EDAR: variants seen among roughly 807,000 people sequenced by gnomAD.
EDAR encodes ectodysplasin A receptor.
EDAR carries 38 observed loss-of-function variants against 51.3 expected under a neutral mutation model. The ratio of observed to expected loss-of-function variants is 0.74; its 90% CI spans 0.57 to 0.97. The LOEUF is 0.97. EDAR is among the 50% of genes least tolerant of loss of function. The pLI is 0.00. For missense variants in EDAR, 528 were observed against 595.0 expected (o/e 0.89, Z 1.17); for synonymous variants, 227 against 242.1 (o/e 0.94, Z 0.58).
At chr2:108,966,919 C>T (rs896518515) in intron 1 of EDAR, among the ~76,000 whole-genome samples, 1 of 152,166 alleles carries the variant, frequency 6.6e-6, no homozygotes, top group African/African-American at 2.4e-5. Context: ...GTCCCAAAGA[C>T]CAGCCAATTG....
intron 5 of EDAR, among the ~76,000 whole-genome samples, chr2:108,921,791 C>T (rs1697146637): frequency 2.0e-5 from 3 of 152,200 alleles, no homozygotes; most frequent in South Asian, 4.1e-4. Context: ...CCTATCTGGC[C>T]GCATCTCCCC....
At chr2:108,960,950 T>C (rs1574406348) in intron 1 of EDAR, among the ~76,000 whole-genome samples, 1 of 152,356 alleles carries the variant, frequency 6.6e-6, no homozygotes, top group Non-Finnish European at 1.5e-5. Context: ...TTCACTATTA[T>C]AATGAACGCC....
chr2:108,909,745 G>A (rs965557110), intron 9 of EDAR, among the ~76,000 whole-genome samples: 9 of 152,216 alleles, frequency 5.9e-5, no homozygotes, highest in African/African-American at 1.7e-4. Flanking sequence ...CTCTACCCTC[G>A]ATTTTAGAGC....
At chr2:108,956,821 T>A (rs1697936117) in intron 1 of EDAR, among the ~76,000 whole-genome samples, 1 of 152,034 alleles carries the variant, frequency 6.6e-6, no homozygotes, top group African/African-American at 2.4e-5. Context: ...GAGTTTTTGT[T>A]CTTGTTGCCC....
At chr2:108,937,624 CTGTA>C (rs67470346) in intron 1 of EDAR, among the ~76,000 whole-genome samples, 98,982 of 151,242 alleles carry the variant, frequency 0.65, 34,727 homozygotes, top group Middle Eastern at 0.79. Flanking sequence ...GTGTGAGTGT[CTGTA>C]TGTTTATGTT....
At chr2:108,965,520 G>A (rs1285783974) in intron 1 of EDAR, among the ~76,000 whole-genome samples, 1 of 151,438 alleles carries the variant, frequency 6.6e-6, no homozygotes, top group Admixed American at 6.6e-5. Flanking sequence ...CAGGTCTTTT[G>A]GGGAGAGAAA....
intron 1 of EDAR, among the ~76,000 whole-genome samples, chr2:108,988,045 G>A (rs1465610362): frequency 1.3e-5 from 2 of 152,170 alleles, no homozygotes; most frequent in African/African-American, 4.8e-5. Context: ...AGTGGCCTGG[G>A]GACTGGGGAA....
In EDAR at chr2:108,968,321, T is replaced by C. The variant is rs184562602; in HGVS notation, c.-19+20639A>G. 7.9e-5 allele frequency among the ~76,000 whole-genome samples: 12 copies of C among 152,348 alleles called. 1 individual carries two copies. The highest frequency in any genetic ancestry group is 1.3e-4 in the Admixed American group (2 of 15,310). ...ATTTAAGATGGAATGGTTTAGCTCATAGGTCTTCAAGCCTTTTTTTGTTTT... is the reference window on the plus strand; with the variant it reads ...ATTTAAGATGGAATGGTTTAGCTCACAGGTCTTCAAGCCTTTTTTTGTTTT... On this transcript the variant is annotated intron_variant, in intron 1 of 11. Transcript: ENST00000258443.
At chr2:108,972,591 G>A (rs565191139) in intron 1 of EDAR, among the ~76,000 whole-genome samples, 3 of 152,364 alleles carry the variant, frequency 2.0e-5, no homozygotes, top group East Asian at 3.9e-4. Flanking sequence ...TGCCCTGCAC[G>A]CCAAGTGTTG....
At chr2:108,940,852 G>A (rs1480221767) in intron 1 of EDAR, among the ~76,000 whole-genome samples, 1 of 152,190 alleles carries the variant, frequency 6.6e-6, no homozygotes, top group Non-Finnish European at 1.5e-5. Flanking sequence ...TTATTGCTCA[G>A]ATGATAGTTT....
At chr2:108,920,912 G>A (rs1697124066) in intron 5 of EDAR, among the ~76,000 whole-genome samples, 2 of 152,266 alleles carry the variant, frequency 1.3e-5, no homozygotes, top group African/African-American at 4.8e-5. Context: ...GAGGACATGA[G>A]GCTCTGGGAG....
At chr2:108,944,184 G>A (rs1405189308) in intron 1 of EDAR, among the ~76,000 whole-genome samples, 1 of 152,188 alleles carries the variant, frequency 6.6e-6, no homozygotes, top group Non-Finnish European at 1.5e-5. Context: ...CACGATCTCG[G>A]CTCACTGCAA....
intron 1 of EDAR, among the ~76,000 whole-genome samples, chr2:108,972,149 G>A (rs1259085307): frequency 6.6e-6 from 1 of 152,240 alleles, no homozygotes; most frequent in Non-Finnish European, 1.5e-5. Flanking sequence ...CAAAATCTGT[G>A]GGATGGTCAC....
At position 108,907,701 on chromosome 2, in the gene EDAR, A is replaced by G. The variant is rs561458958; in HGVS notation, c.963+159T>C. On this transcript the variant is annotated intron_variant, in intron 10 of 11. Coordinates refer to ENST00000258443, the MANE Select transcript of EDAR (RefSeq NM_022336.4). ...GAAAGGGTTTTTTTCCCTTTTGACT[A>G]TCTTGCTGTGAACTTGTCACTGTCC... is the stretch of plus-strand genomic sequence containing the variant. 9.2e-4 allele frequency among the ~76,000 whole-genome samples: 140 copies of G among 151,894 alleles called. 1 individual carries two copies. The highest frequency in any genetic ancestry group is 3.1e-3 in the African/African-American group (129 of 41,446).
intron 1 of EDAR, among the ~76,000 whole-genome samples, chr2:108,943,924 A>G (rs920990689): frequency 2.0e-5 from 3 of 152,196 alleles, no homozygotes; most frequent in African/African-American, 7.2e-5. Flanking sequence ...GTTGCTTCCA[A>G]AACAGGGAGA....
At chr2:108,924,475 C>T (rs572027412) in intron 4 of EDAR, among the ~76,000 whole-genome samples, 59 of 152,312 alleles carry the variant, frequency 3.9e-4, no homozygotes, top group African/African-American at 1.1e-3. Context: ...ATAACGTGAG[C>T]GGTGCCAACA....
chr2:108,975,786 G>A (rs867205706), intron 1 of EDAR, among the ~76,000 whole-genome samples: 16 of 152,222 alleles, frequency 1.1e-4, no homozygotes, highest in Middle Eastern at 3.4e-3. Flanking sequence ...GGCTCCGTGC[G>A]GCATCAGGAT....
In EDAR at chr2:108,902,003, G is replaced by A. The variant is rs541482949; in HGVS notation, c.1024+4305C>T. On this transcript the variant is annotated intron_variant, in intron 11 of 11. Coordinates refer to ENST00000258443, the MANE Select transcript of EDAR (RefSeq NM_022336.4). ...GCCTGTAATCCCAGCACTTTGGGAG[G>A]CCAAAGCAGGTGGACCACAAGGTCA... Among the ~76,000 whole-genome samples, 316 of 152,242 alleles carry A rather than the reference G, an allele frequency of 2.1e-3. 2 individuals carry two copies. The highest frequency in any genetic ancestry group is 7.0e-3 in the African/African-American group (291 of 41,544).
intron 6 of EDAR, among the ~76,000 whole-genome samples, chr2:108,911,977 C>T (rs905987621): frequency 7.2e-5 from 11 of 152,216 alleles, no homozygotes; most frequent in Non-Finnish European, 5.9e-5. Context: ...TTTTGAGCTA[C>T]TCCCCCCGGG....
Sources: allele counts gnomAD v4.1 joint callset (sites outside exome capture counted in the v4.1 genomes callset), GRCh38; gene constraint gnomAD v4.1.1; transcripts MANE v1.5; gene names NCBI Gene and HGNC (gene_info 2026-07-23, HGNC 2026-07-21).